The following SPAST variants were observed in gnomAD, a reference collection of about 807,000 sequenced individuals.
SPAST encodes the protein spastin.
A neutral mutation model predicts 76.6 loss-of-function variants in SPAST; 30 were observed. The ratio of observed to expected loss-of-function variants is 0.39; its 90% CI spans 0.29 to 0.53. The LOEUF (loss-of-function observed/expected upper bound fraction) is 0.53. Ranked by LOEUF, SPAST falls within the 20% of genes least tolerant of loss-of-function variation. The pLI is 0.68. For missense variants in SPAST, 717 were observed against 770.5 expected (o/e 0.93, Z 0.82); for synonymous variants, 305 against 281.0 (o/e 1.09, Z -0.86).
At chr2:32,099,943 T>C (rs115378541) in intron 4 of SPAST, among the ~76,000 whole-genome samples, 64 of 136,888 alleles carry the variant, frequency 4.7e-4, no homozygotes, top group African/African-American at 1.7e-3. Context: ...TTCTGTATCT[T>C]GGCTGTTGTG....
chr2:32,106,909 A>G (rs1441548791), intron 4 of SPAST, among the ~76,000 whole-genome samples: 1 of 151,728 alleles, frequency 6.6e-6, no homozygotes, highest in Non-Finnish European at 1.5e-5. Context: ...AAACAAAGAA[A>G]TGTAAGAGTC....
chr2:32,097,880 A>G (rs1294390588), intron 3 of SPAST, among the ~76,000 whole-genome samples: 1 of 151,484 alleles, frequency 6.6e-6, no homozygotes, highest in African/African-American at 2.4e-5. Context: ...TGTTTGTTTT[A>G]GTAGAGACAG....
intron 12 of SPAST, among the ~76,000 whole-genome samples, chr2:32,140,480 TG>T (rs1679679576): frequency 6.6e-6 from 1 of 152,028 alleles, no homozygotes; most frequent in Admixed American, 6.6e-5. Context: ...AAAAATTAGC[TG>T]GGTGTGGTCA....
chr2:32,118,004 C>A (rs1428683335), intron 7 of SPAST, among the ~76,000 whole-genome samples: 1 of 152,056 alleles, frequency 6.6e-6, no homozygotes, highest in South Asian at 2.1e-4. Context: ...TACTTAGCAC[C>A]GTTTTGAATT....
intron 4 of SPAST, among the ~76,000 whole-genome samples, chr2:32,107,778 A>G (rs1239484382): frequency 6.6e-6 from 1 of 152,138 alleles, no homozygotes; most frequent in African/African-American, 2.4e-5. Context: ...GGAAGGGCAT[A>G]TTGGCTTTAT....
rs1401823953 is a variant in SPAST, at chr2:32,081,790, A to AAAAAAAAG, written c.416-5695_416-5694insGAAAAAAA. 6.1e-3 allele frequency among the ~76,000 whole-genome samples: 905 copies of AAAAAAAAG among 148,140 alleles called. 32 individuals carry two copies. Among genetic ancestry groups the AAAAAAAAG allele is most frequent in the South Asian group, 0.033 (149 of 4,538 alleles). On this transcript the variant is annotated intron_variant, in intron 1 of 16. Transcript: ENST00000315285. The stretch of plus-strand genomic sequence containing the variant: ...CAGAGTGAGACACTGTCAAAAAAAA[A>AAAAAAAAG]AAAAAAAAAAAAAAGGAAAGAAAAG...
intron 7 of SPAST, among the ~76,000 whole-genome samples, chr2:32,116,507 C>A (rs1396127229): frequency 1.3e-5 from 2 of 151,984 alleles, no homozygotes; most frequent in Middle Eastern, 3.2e-3. Context: ...ATTGTGTCGC[C>A]CAGGCTGGAG....
At chr2:32,111,749 T>C (rs542478563) in intron 4 of SPAST, among the ~76,000 whole-genome samples, 198 of 151,374 alleles carry the variant, frequency 1.3e-3, no homozygotes, top group African/African-American at 4.5e-3. Context: ...TCTTAGTCTT[T>C]CCAGTGTCTG....
In SPAST at chr2:32,063,886, C is replaced by A. The variant is rs372349942; in HGVS notation, c.55C>A (p.Pro19Thr). ...KKKGSGGASN[P>T]VPPRPPPPCL... is the part of the protein sequence containing the mutation. The stretch of plus-strand genomic sequence containing the variant: ...GAAAGGCTCCGGCGGCGCCAGCAAC[C>A]CGGTGCCTCCCAGGCCTCCGCCCCC... The change falls in exon 1 of 17, where the codon CCG becomes ACG. Residue 19 changes from proline (P) to threonine (T), a missense_variant. This residue lies in a region of SPAST where 543 missense variants were observed against 445.2 expected (regional missense o/e 1.22). Coordinates refer to ENST00000315285, the MANE Select transcript of SPAST (RefSeq NM_014946.4). The A allele has an allele frequency of 6.3e-7, 1 of 1,583,290 alleles. No individual in the cohort carries two copies. Among genetic ancestry groups the A allele is most frequent in the Non-Finnish European group, 8.6e-7 (1 of 1,167,696 alleles).
chr2:32,086,339 G>A (rs972332802), intron 1 of SPAST, among the ~76,000 whole-genome samples: 1 of 151,898 alleles, frequency 6.6e-6, no homozygotes, highest in Admixed American at 6.6e-5. Flanking sequence ...GCACATGCCT[G>A]TAGTCTTAGC....
intron 7 of SPAST, among the ~76,000 whole-genome samples, chr2:32,121,148 C>A (rs1039934467): frequency 1.3e-5 from 2 of 151,706 alleles, no homozygotes; most frequent in African/African-American, 4.8e-5. Flanking sequence ...ACATTTCTTT[C>A]TTTTTTTAGG....
At chr2:32,093,137 C>T (rs1042179771) in intron 3 of SPAST, among the ~76,000 whole-genome samples, 7 of 151,734 alleles carry the variant, frequency 4.6e-5, no homozygotes, top group African/African-American at 1.7e-4. Flanking sequence ...AGTGAAACCC[C>T]GTCTCTACTA....
chr2:32,086,757 C>CA (rs530365221), intron 1 of SPAST, among the ~76,000 whole-genome samples: 2,200 of 126,114 alleles, frequency 0.017, 40 homozygotes, highest in African/African-American at 0.041. Context: ...GACTCTGTCT[C>CA]AAAAAAAAAA....
intron 9 of SPAST, among the ~76,000 whole-genome samples, chr2:32,132,211 G>A (rs1468409187): frequency 2.6e-5 from 4 of 152,016 alleles, no homozygotes; most frequent in South Asian, 4.1e-4. Flanking sequence ...GCAACATGGC[G>A]AAACCCTGTC....
In SPAST at chr2:32,063,557, C is replaced by G; in HGVS notation, c.-275C>G. ...AAACACGGGAAGACGTGCGCGTGCG[C>G]GGCCGCCGCTGGGAGCCACCAGGCG... is the stretch of plus-strand genomic sequence containing the variant. On this transcript the variant is annotated 5_prime_UTR_variant, in exon 1 of 17. Transcript: ENST00000315285. 1 of 492,124 alleles carries G rather than the reference C, an allele frequency of 2.0e-6. No individual in the cohort carries two copies. The highest frequency in any genetic ancestry group is 3.6e-6 in the Non-Finnish European group (1 of 278,966). The allele number at this position is 492,124 out of a possible 1,614,324, so 30.5% of individuals were successfully genotyped here.
intron 4 of SPAST, among the ~76,000 whole-genome samples, chr2:32,100,670 C>G (rs1455231438): frequency 2.6e-5 from 4 of 151,988 alleles, no homozygotes; most frequent in African/African-American, 9.7e-5. Flanking sequence ...TCCAAGTGTT[C>G]TCATTGTTCA....
chr2:32,122,697 T>G (rs988331357), intron 7 of SPAST, among the ~76,000 whole-genome samples: 33 of 151,746 alleles, frequency 2.2e-4, no homozygotes, highest in African/African-American at 7.7e-4. Flanking sequence ...CCCAGCACTT[T>G]CAGAGGCCAA....
rs1213720490 is a variant in SPAST, at chr2:32,157,626, T to C, written c.*3130T>C. 1.3e-5 allele frequency: 2 copies of C among 152,422 alleles called. No homozygotes were observed. Among genetic ancestry groups the C allele is most frequent in the African/African-American group, 4.8e-5 (2 of 41,432 alleles). 9.4% of individuals were successfully genotyped at this position (152,422 alleles called of 1,614,324 possible). A position where few individuals can be genotyped will look rare whatever the true frequency, so the allele number is the denominator to read the frequency against. ...TTTATCCTAATGTATTGGAAATAAA[T>C]GATAAACTTTATTTTGTCTTTACTT... is the stretch of plus-strand genomic sequence containing the variant. On this transcript the variant is annotated 3_prime_UTR_variant, in exon 17 of 17. Coordinates refer to ENST00000315285, the MANE Select transcript of SPAST (RefSeq NM_014946.4).
chr2:32,118,784 G>T (rs976716465), intron 7 of SPAST, among the ~76,000 whole-genome samples: 2 of 152,020 alleles, frequency 1.3e-5, no homozygotes, highest in Non-Finnish European at 2.9e-5. Flanking sequence ...ATTTATTAAG[G>T]GACATGCTTT....
Sources: allele counts gnomAD v4.1 joint callset (sites outside exome capture counted in the v4.1 genomes callset), GRCh38; gene constraint gnomAD v4.1.1; regional missense constraint gnomAD v4.1.1; transcripts MANE v1.5; gene names NCBI Gene and HGNC (gene_info 2026-07-23, HGNC 2026-07-21).